Variants in NLGN1 observed in about 807,000 individuals in gnomAD.
NLGN1 encodes neuroligin 1, also known as neuroligin-1.
NLGN1 carries 12 observed loss-of-function variants against 65.5 expected under a neutral mutation model. The ratio of observed to expected loss-of-function variants is 0.18; its 90% CI spans 0.12 to 0.30. NLGN1 has a LOEUF of 0.30. NLGN1 is among the 10% of genes least tolerant of loss of function. NLGN1 has a pLI of 1.00. For missense variants in NLGN1, 750 were observed against 1,007.1 expected (o/e 0.74, Z 3.46); for synonymous variants, 350 against 359.5 (o/e 0.97, Z 0.30).
chr3:173,526,267 T>C (rs1735628096), intron 2 of NLGN1, among the ~76,000 whole-genome samples: 2 of 152,122 alleles, frequency 1.3e-5, no homozygotes, highest in African/African-American at 4.8e-5. Context: ...GGAATATATA[T>C]ATTTATAGTT....
intron 1 of NLGN1, among the ~76,000 whole-genome samples, chr3:173,411,007 C>G (rs1712427194): frequency 6.6e-6 from 1 of 152,214 alleles, no homozygotes; most frequent in Non-Finnish European, 1.5e-5. Flanking sequence ...TTGTTCTTCA[C>G]AGTTACAGCT....
At chr3:173,400,543 C>A (rs1440733659) in intron 1 of NLGN1, among the ~76,000 whole-genome samples, 1 of 152,118 alleles carries the variant, frequency 6.6e-6, no homozygotes, top group African/African-American at 2.4e-5. Flanking sequence ...CCATTCCCTG[C>A]CCCTCTACCC....
At chr3:173,895,046 G>T (rs1264048377) in intron 4 of NLGN1, among the ~76,000 whole-genome samples, 1 of 152,156 alleles carries the variant, frequency 6.6e-6, no homozygotes, top group African/African-American at 2.4e-5. Context: ...GGTCTAGGGA[G>T]AATCTGTTTC....
intron 2 of NLGN1, among the ~76,000 whole-genome samples, chr3:173,527,255 A>G (rs1237274554): frequency 1.3e-5 from 2 of 152,154 alleles, no homozygotes. Flanking sequence ...AAGCCACTCT[A>G]ACTGAGGTGA....
At chr3:174,113,625 A>G (rs894134155) in intron 4 of NLGN1, among the ~76,000 whole-genome samples, 1 of 152,070 alleles carries the variant, frequency 6.6e-6, no homozygotes, top group African/African-American at 2.4e-5. Context: ...TCTTTAGAAT[A>G]TTCACTTAAT....
At chr3:173,447,856 CTGTT>C (rs1297367221) in intron 2 of NLGN1, among the ~76,000 whole-genome samples, 2 of 152,116 alleles carry the variant, frequency 1.3e-5, no homozygotes, top group African/African-American at 2.4e-5. Flanking sequence ...ATTTGGCTCT[CTGTT>C]TGTCTGTTAT....
intron 2 of NLGN1, among the ~76,000 whole-genome samples, chr3:173,550,390 A>G (rs1257271348): frequency 6.6e-6 from 1 of 152,068 alleles, no homozygotes; most frequent in African/African-American, 2.4e-5. Flanking sequence ...ATCTGCTGTT[A>G]TTATATCCTC....
intron 4 of NLGN1, among the ~76,000 whole-genome samples, chr3:173,902,737 G>A (rs1458636940): frequency 2.6e-5 from 4 of 152,102 alleles, no homozygotes; most frequent in Non-Finnish European, 5.9e-5. Context: ...TCTGGGCCAA[G>A]AGAGAACATG....
intron 3 of NLGN1, among the ~76,000 whole-genome samples, chr3:173,654,344 T>C (rs1183489335): frequency 6.6e-6 from 1 of 152,150 alleles, no homozygotes; most frequent in Non-Finnish European, 1.5e-5. Context: ...ACTAGTAATA[T>C]CTTATAAAAC....
chr3:173,427,774 A>AT (rs1716403176), intron 1 of NLGN1, among the ~76,000 whole-genome samples: 1 of 151,764 alleles, frequency 6.6e-6, no homozygotes, highest in African/African-American at 2.4e-5. Flanking sequence ...GATGAAAATA[A>AT]TATGTATTCT....
intron 4 of NLGN1, among the ~76,000 whole-genome samples, chr3:173,896,529 G>A (rs1237315448): frequency 2.0e-5 from 3 of 152,134 alleles, no homozygotes; most frequent in Admixed American, 6.5e-5. Flanking sequence ...CCCTGGGAAG[G>A]CATTTTACTT....
intron 4 of NLGN1, among the ~76,000 whole-genome samples, chr3:173,971,984 T>G (rs1048681937): frequency 2.0e-5 from 3 of 151,784 alleles, no homozygotes; most frequent in African/African-American, 7.3e-5. Flanking sequence ...GTCACACAAG[T>G]GCAACTCACA....
chr3:174,156,133 A>T (rs777813465), intron 4 of NLGN1, among the ~76,000 whole-genome samples: 8 of 151,940 alleles, frequency 5.3e-5, no homozygotes, highest in Non-Finnish European at 1.2e-4. Context: ...TAAACATATA[A>T]CATCACGCCC....
At chr3:173,432,652 T>C (rs1462161251) in intron 1 of NLGN1, among the ~76,000 whole-genome samples, 1 of 152,184 alleles carries the variant, frequency 6.6e-6, no homozygotes, top group East Asian at 1.9e-4. Flanking sequence ...TCTTTAATAA[T>C]CATTTTCATC....
intron 4 of NLGN1, among the ~76,000 whole-genome samples, chr3:173,989,645 G>A (rs758687950): frequency 1.3e-5 from 2 of 152,172 alleles, no homozygotes; most frequent in Non-Finnish European, 2.9e-5. Context: ...CTTATTCACA[G>A]TGGCTTAAAC....
intron 4 of NLGN1, among the ~76,000 whole-genome samples, chr3:173,958,024 C>A (rs1315619310): frequency 6.6e-6 from 1 of 152,160 alleles, no homozygotes; most frequent in Non-Finnish European, 1.5e-5. Flanking sequence ...AGATATACTG[C>A]AAGCAGCTTC....
chr3:173,590,932 A>T (rs944641779), intron 2 of NLGN1, among the ~76,000 whole-genome samples: 1 of 152,128 alleles, frequency 6.6e-6, no homozygotes, highest in Non-Finnish European at 1.5e-5. Context: ...AATTTACTGA[A>T]GGTACATTAG....
chr3:173,737,566 C>G (rs1773972207), intron 3 of NLGN1, among the ~76,000 whole-genome samples: 1 of 152,044 alleles, frequency 6.6e-6, no homozygotes, highest in Non-Finnish European at 1.5e-5. Flanking sequence ...AAGATTAACT[C>G]ACATCATAGC....
intron 3 of NLGN1, among the ~76,000 whole-genome samples, chr3:173,757,519 A>G (rs1348809798): frequency 6.6e-6 from 1 of 152,030 alleles, no homozygotes; most frequent in Non-Finnish European, 1.5e-5. Flanking sequence ...AATGTAGAAC[A>G]TTATAGAAAC....
Sources: gnomAD v4.1 joint callset for allele counts (sites outside exome capture counted in the v4.1 genomes callset) on GRCh38, gnomAD v4.1.1 for gene constraint, MANE v1.5 for transcripts, NCBI Gene and HGNC (gene_info 2026-07-23, HGNC 2026-07-21) for gene names.